Variants in CDK14 observed in about 807,000 individuals in gnomAD.
CDK14 encodes cyclin dependent kinase 14, also known as cyclin-dependent kinase 14.
CDK14 carries 34 observed loss-of-function variants against 60.7 expected under a neutral mutation model. The ratio of observed to expected loss-of-function variants is 0.56; its 90% CI spans 0.43 to 0.75. The LOEUF is 0.75. Among genes scored for constraint, CDK14 ranks in the 30% least tolerant of loss-of-function variants. The pLI, the probability that CDK14 is intolerant of heterozygous loss-of-function variation, is 0.00. For synonymous variants in CDK14, 197 were observed against 203.7 expected, an observed-to-expected ratio of 0.97 and a Z score of 0.28; for missense variants, 482 against 564.1, an observed-to-expected ratio of 0.85 and a Z score of 1.47.
chr7:90,966,735 A>G (rs1393498932), intron 9 of CDK14, among the ~76,000 whole-genome samples: 1 of 152,138 alleles, frequency 6.6e-6, no homozygotes, highest in African/African-American at 2.4e-5. Context: ...CTCTTCATAC[A>G]CATTTTCATT....
intron 2 of CDK14, among the ~76,000 whole-genome samples, chr7:90,674,455 A>G (rs779067514): frequency 1.6e-4 from 24 of 152,342 alleles, no homozygotes; most frequent in Non-Finnish European, 3.2e-4. Flanking sequence ...AAATTCCCCT[A>G]GAAGAGTATT....
intron 5 of CDK14, among the ~76,000 whole-genome samples, chr7:90,801,328 T>A (rs1788624580): frequency 1.3e-5 from 2 of 152,262 alleles, no homozygotes; most frequent in African/African-American, 2.4e-5. Context: ...TCCAATGTGA[T>A]TTATTTTTGT....
chr7:90,859,728 C>T (rs1427979653), intron 5 of CDK14, among the ~76,000 whole-genome samples: 1 of 152,084 alleles, frequency 6.6e-6, no homozygotes, highest in Non-Finnish European at 1.5e-5. Flanking sequence ...TGGAATAACA[C>T]ATCATTACCC....
chr7:91,081,710 G>A (rs1419856821), intron 12 of CDK14, among the ~76,000 whole-genome samples: 1 of 152,060 alleles, frequency 6.6e-6, no homozygotes, highest in East Asian at 1.9e-4. Context: ...GTAACACCTA[G>A]GCAATTCCCT....
Position 90,902,147 on chromosome 7 carries a change from T to C in CDK14, c.702+2794T>C, listed in dbSNP as rs368620449. 2.6e-5 allele frequency among the ~76,000 whole-genome samples: 4 copies of C among 152,060 alleles called. No homozygotes were observed. The East Asian group carries it at 5.8e-4, about 22-fold the overall frequency. On this transcript the variant is annotated intron_variant, in intron 7 of 14. Coordinates refer to ENST00000380050, the MANE Select transcript of CDK14 (RefSeq NM_001287135.2). ...TCCTATGATCATGGATTAGACAAAT[T>C]AGTATTATTAAAATACCATTCTACC...
chr7:91,004,075 A>G (rs1373653749), intron 10 of CDK14, among the ~76,000 whole-genome samples: 2 of 152,230 alleles, frequency 1.3e-5, no homozygotes, highest in Non-Finnish European at 2.9e-5. Flanking sequence ...TTTAAAATGA[A>G]TGATCTATGC....
chr7:91,023,453 A>C (rs1796486653), intron 10 of CDK14, among the ~76,000 whole-genome samples: 2 of 152,188 alleles, frequency 1.3e-5, no homozygotes, highest in Non-Finnish European at 2.9e-5. Flanking sequence ...TCTTAATGGG[A>C]TTATAAGTTG....
chr7:90,663,812 A>G (rs1374071515), intron 2 of CDK14, among the ~76,000 whole-genome samples: 3 of 152,372 alleles, frequency 2.0e-5, no homozygotes, highest in South Asian at 4.1e-4. Flanking sequence ...TAATTACACT[A>G]TAAATCTGAA....
At chr7:91,181,900 T>C (rs1368399016) in intron 14 of CDK14, among the ~76,000 whole-genome samples, 1 of 152,172 alleles carries the variant, frequency 6.6e-6, no homozygotes, top group East Asian at 1.9e-4. Context: ...TGTCTACAAA[T>C]TGTGAGGTCA....
At position 91,207,786 on chromosome 7, in the gene CDK14, C is replaced by T; in HGVS notation, c.*650C>T. 1.3e-5 allele frequency: 2 copies of T among 152,630 alleles called. 1 individual carries two copies. The highest frequency in any genetic ancestry group is 3.8e-4 in the East Asian group (2 of 5,196). 9.5% of individuals were successfully genotyped at this position (152,630 alleles called of 1,614,324 possible). A position where few individuals can be genotyped will look rare whatever the true frequency, so the allele number is the denominator to read the frequency against. Reference sequence around the variant, plus strand: ...TTTATATATAGGATATTGGACTCTGCTTAGCATTTTCAAGCCACATAGCAT... The same window carrying T: ...TTTATATATAGGATATTGGACTCTGTTTAGCATTTTCAAGCCACATAGCAT... On this transcript the variant is annotated 3_prime_UTR_variant, in exon 15 of 15. Coordinates refer to ENST00000380050, the MANE Select transcript of CDK14 (RefSeq NM_001287135.2).
At chr7:91,181,613 G>A (rs776798381) in intron 14 of CDK14, among the ~76,000 whole-genome samples, 2 of 151,966 alleles carry the variant, frequency 1.3e-5, no homozygotes, top group Admixed American at 1.3e-4. Context: ...GTTGCCCTGG[G>A]GAATCTTTTT....
intron 10 of CDK14, among the ~76,000 whole-genome samples, chr7:91,008,138 A>T (rs984475583): frequency 6.9e-6 from 1 of 145,726 alleles, no homozygotes. Flanking sequence ...AAAAAAAAAA[A>T]AAAAAAACAA....
At chr7:90,847,273 A>G (rs1790499789) in intron 5 of CDK14, among the ~76,000 whole-genome samples, 1 of 152,214 alleles carries the variant, frequency 6.6e-6, no homozygotes, top group Admixed American at 6.5e-5. Flanking sequence ...AGATAATCAC[A>G]AAGAGAAATA....
intron 4 of CDK14, among the ~76,000 whole-genome samples, chr7:90,770,282 G>A (rs1489963768): frequency 5.3e-5 from 8 of 152,234 alleles, no homozygotes; most frequent in Admixed American, 2.0e-4. Context: ...TTTGTAGTAT[G>A]TATGTATAAC....
At chr7:90,769,507 C>T (rs1031248180) in intron 4 of CDK14, among the ~76,000 whole-genome samples, 3 of 148,864 alleles carry the variant, frequency 2.0e-5, no homozygotes, top group Non-Finnish European at 3.0e-5. Flanking sequence ...CATTCTGTCA[C>T]GCAGGCTGGA....
chr7:90,637,931 G>C lies in CDK14; in HGVS notation c.123+33682G>C, dbSNP rs1800196641. ...TTTGATCTTTGTTGGTTTAAAGTCT[G>C]TTTTATCAGAGACTAGGATTGCAAC... On this transcript the variant is annotated intron_variant, in intron 2 of 14. Transcript: ENST00000380050. Among the ~76,000 whole-genome samples, 2 of 148,534 alleles carry C rather than the reference G, an allele frequency of 1.3e-5. 1 individual carries two copies. The highest frequency in any genetic ancestry group is 4.4e-4 in the South Asian group (2 of 4,510).
chr7:90,989,195 A>G (rs931782464), intron 10 of CDK14, among the ~76,000 whole-genome samples: 5 of 152,110 alleles, frequency 3.3e-5, no homozygotes, highest in Admixed American at 6.6e-5. Flanking sequence ...CAGGGTCTTT[A>G]GAACTGGAAC....
At chr7:90,757,996 C>A (rs1449843252) in intron 4 of CDK14, among the ~76,000 whole-genome samples, 1 of 152,126 alleles carries the variant, frequency 6.6e-6, no homozygotes, top group African/African-American at 2.4e-5. Flanking sequence ...ATTCTTGATT[C>A]TTTTGGATCT....
intron 2 of CDK14, among the ~76,000 whole-genome samples, chr7:90,624,599 C>T (rs1025100470): frequency 2.8e-4 from 42 of 152,104 alleles, no homozygotes; most frequent in African/African-American, 9.4e-4. Context: ...GCAACCATCC[C>T]CTGAGAATAG....
Sources: gnomAD v4.1 joint callset for allele counts (sites outside exome capture counted in the v4.1 genomes callset) on GRCh38, gnomAD v4.1.1 for gene constraint, MANE v1.5 for transcripts, NCBI Gene and HGNC (gene_info 2026-07-23, HGNC 2026-07-21) for gene names.